Variants in ITGA4 observed in about 807,000 individuals in gnomAD.
The protein encoded by ITGA4 is integrin subunit alpha 4, also known as integrin alpha-4.
In ITGA4, 63 loss-of-function variants were observed where a neutral mutation model predicts 133.6. The ratio of observed to expected loss-of-function variants is 0.47; its 90% CI spans 0.38 to 0.58. ITGA4 has a LOEUF of 0.58. ITGA4 is among the 20% of genes least tolerant of loss of function. ITGA4 has a pLI of 0.00. For synonymous variants in ITGA4, 483 were observed against 438.0 expected (o/e 1.10, Z -1.28); for missense variants, 1,076 against 1,252.7 (o/e 0.86, Z 2.13).
In ITGA4 at chr2:181,463,737, A is replaced by G. The variant is rs530334082; in HGVS notation, c.319+5420A>G. On this transcript the variant is annotated intron_variant, in intron 2 of 27. Coordinates refer to ENST00000397033, the MANE Select transcript of ITGA4 (RefSeq NM_000885.6). ...AGTGATCAGTTCTATGATCAGTTCC[A>G]TGTATGGGTGTGGTAGACAGTAGAG... 7.7e-4 allele frequency among the ~76,000 whole-genome samples: 117 copies of G among 152,204 alleles called. 1 individual carries two copies. The highest frequency in any genetic ancestry group is 2.8e-3 in the African/African-American group (115 of 41,530).
At chr2:181,483,473 T>C (rs1201754447) in intron 9 of ITGA4, among the ~76,000 whole-genome samples, 1 of 152,220 alleles carries the variant, frequency 6.6e-6, no homozygotes, top group East Asian at 1.9e-4. Context: ...CAAAGTGGAC[T>C]CTGTTTCAAG....
chr2:181,479,521 G>A (rs1427184796), intron 5 of ITGA4: 2 of 151,938 alleles, frequency 1.3e-5, no homozygotes, highest in Non-Finnish European at 2.9e-5. Context: ...GTTTAGGATT[G>A]TTTAGGAGTA....
In ITGA4 at chr2:181,537,698, G is replaced by A; in HGVS notation, c.*2171G>A. On this transcript the variant is annotated 3_prime_UTR_variant, in exon 28 of 28. Transcript: ENST00000397033. Reference sequence around the variant, plus strand: ...TCTAGGTTAAATATTGATGTATTATGATGGTTGCAAAGTTTTTTTGTGTGT... The same window carrying A: ...TCTAGGTTAAATATTGATGTATTATAATGGTTGCAAAGTTTTTTTGTGTGT... 4.7e-6 allele frequency: 2 copies of A among 427,732 alleles called. No individual in the cohort carries two copies. The highest frequency in any genetic ancestry group is 9.3e-6 in the Non-Finnish European group (2 of 215,956). The allele number at this position is 427,732 out of a possible 1,614,324, so 26.5% of individuals were successfully genotyped here.
At chr2:181,496,292 C>T (rs1686157161) in intron 14 of ITGA4, among the ~76,000 whole-genome samples, 1 of 152,058 alleles carries the variant, frequency 6.6e-6, no homozygotes, top group Admixed American at 6.6e-5. Flanking sequence ...TGAGGAAAGC[C>T]AGGCATGGTA....
chr2:181,490,001 ACGTGAGAGGGT>A (rs1234301937), intron 10 of ITGA4, among the ~76,000 whole-genome samples: 8 of 152,148 alleles, frequency 5.3e-5, no homozygotes, highest in Admixed American at 5.2e-4. Context: ...AAGGGGGTGC[ACGTGAGAGGGT>A]CGTGATTGAT....
intron 22 of ITGA4, 160 bp downstream of exon 22, chr2:181,527,547 C>A (rs1686859894): frequency 1.8e-6 from 1 of 547,262 alleles, no homozygotes; most frequent in Non-Finnish European, 3.3e-6. Context: ...CTCTCAGACC[C>A]CTGCTGCTTT....
chr2:181,478,446 C>T (rs1183722476), intron 4 of ITGA4, among the ~76,000 whole-genome samples: 2 of 151,984 alleles, frequency 1.3e-5, no homozygotes, highest in Admixed American at 1.3e-4. Context: ...TAGATATACA[C>T]AGTAAAAAGA....
intron 17 of ITGA4, among the ~76,000 whole-genome samples, chr2:181,513,195 C>T (rs529358344): frequency 2.0e-5 from 3 of 152,060 alleles, no homozygotes; most frequent in Non-Finnish European, 2.9e-5. Context: ...CCACATTCAA[C>T]CTTGGTAGTC....
chr2:181,466,333 C>T (rs1685413422), intron 2 of ITGA4, among the ~76,000 whole-genome samples: 1 of 152,036 alleles, frequency 6.6e-6, no homozygotes, highest in Non-Finnish European at 1.5e-5. Context: ...TTTTTCAGGA[C>T]TACAATTATA....
chr2:181,482,351 T>C lies in ITGA4; in HGVS notation c.841-9T>C. 6.3e-7 allele frequency: 1 copy of C among 1,594,306 alleles called. No individual in the cohort carries two copies. Among genetic ancestry groups the C allele is most frequent in the Non-Finnish European group, 8.5e-7 (1 of 1,173,218 alleles). ...CTAAAAACTTTTCTAATTCTTTCCC[T>C]AATTACAGGCATATATATTCAGCAT... On this transcript the variant is annotated splice_polypyrimidine_tract_variant and intron_variant, in intron 7 of 27. Coordinates refer to ENST00000397033, the MANE Select transcript of ITGA4 (RefSeq NM_000885.6).
intron 10 of ITGA4, among the ~76,000 whole-genome samples, chr2:181,486,689 A>T (rs1685927424): frequency 6.6e-6 from 1 of 152,196 alleles, no homozygotes; most frequent in Non-Finnish European, 1.5e-5. Context: ...TTACTGTTAA[A>T]AATTTGCTTT....
In ITGA4 at chr2:181,493,365, T is replaced by C; in HGVS notation, c.1194T>C (p.Gly398=). ...CTCCACAAGAAGATGACTTGCAAGG[T>C]GCTATTTATATTTACAATGGCCGTG... ...IGAPQEDDLQ[G]AIYIYNGRAD... is the part of the protein sequence containing the mutation. The change falls in exon 11 of 28, where the codon GGT becomes GGC. Residue 398 remains glycine (G), a synonymous_variant. Transcript: ENST00000397033. The C allele has an allele frequency of 6.2e-7, 1 of 1,612,940 alleles. No homozygotes were observed. Among genetic ancestry groups the C allele is most frequent in the Non-Finnish European group, 8.5e-7 (1 of 1,179,110 alleles).
In ITGA4 at chr2:181,523,566, A is replaced by G. The variant is rs200441057; in HGVS notation, c.2169+34A>G. On this transcript the variant is annotated intron_variant, in intron 19 of 27. Coordinates refer to ENST00000397033, the MANE Select transcript of ITGA4 (RefSeq NM_000885.6). This position sits in a 1 kb window ranked among gnomAD's most constrained non-coding sequence, Gnocchi z 4.2. ...TTCATATTTATGGCTTTTGTTCACTATCATGAATATTTTTTTCTATTCTTC... is the reference window on the plus strand; with the variant it reads ...TTCATATTTATGGCTTTTGTTCACTGTCATGAATATTTTTTTCTATTCTTC... 3.2e-5 allele frequency: 37 copies of G among 1,141,506 alleles called. No individual in the cohort carries two copies. Among genetic ancestry groups the G allele is most frequent in the Non-Finnish European group, 4.2e-5 (32 of 759,904 alleles). The allele number at this position is 1,141,506 out of a possible 1,614,324, so 70.7% of individuals were successfully genotyped here. A position where few individuals can be genotyped will look rare whatever the true frequency, so the allele number is the denominator to read the frequency against.
At chr2:181,493,287 C>A in intron 10 of ITGA4, 38 bp from the exon 11 acceptor site, 1 of 1,401,032 alleles carries the variant, frequency 7.1e-7, no homozygotes, top group Non-Finnish European at 1.0e-6. Context: ...TTCTTTGTAT[C>A]AAGAATTTAT....
At position 181,480,122 on chromosome 2, in the gene ITGA4, T is replaced by TA; in HGVS notation, c.625-15_625-14insA. On this transcript the variant is annotated splice_polypyrimidine_tract_variant and intron_variant, in intron 5 of 27. Coordinates refer to ENST00000397033, the MANE Select transcript of ITGA4 (RefSeq NM_000885.6). ...GATTAAAGTTTAAATAATAATAGTT[T>TA]TTTTTTTCTTACAGGATTTAATTGT... The TA allele has an allele frequency of 6.5e-7, 1 of 1,540,524 alleles. No homozygotes were observed. Among genetic ancestry groups the TA allele is most frequent in the Non-Finnish European group, 8.7e-7 (1 of 1,150,196 alleles).
intron 4 of ITGA4, among the ~76,000 whole-genome samples, chr2:181,478,306 G>T (rs1049762025): frequency 1.3e-4 from 20 of 152,140 alleles, no homozygotes; most frequent in African/African-American, 4.1e-4. Context: ...GTTAATAATT[G>T]TGCACTGGAA....
intron 17 of ITGA4, among the ~76,000 whole-genome samples, chr2:181,521,801 G>A (rs1056937941): frequency 1.3e-5 from 2 of 152,150 alleles, no homozygotes; most frequent in Non-Finnish European, 2.9e-5. Context: ...GGTTCAGGCA[G>A]CAGCTAGTTC....
chr2:181,463,665 G>T (rs1176671257), intron 2 of ITGA4, among the ~76,000 whole-genome samples: 1 of 152,102 alleles, frequency 6.6e-6, no homozygotes, highest in Non-Finnish European at 1.5e-5. Flanking sequence ...GCAAAATGAT[G>T]AGTTTCGTTG....
chr2:181,468,557 C>T (rs1022615822), intron 2 of ITGA4, among the ~76,000 whole-genome samples: 4 of 152,120 alleles, frequency 2.6e-5, no homozygotes, highest in African/African-American at 9.7e-5. Flanking sequence ...TATCTAATCT[C>T]CCATAGTCCC....
Sources: allele counts gnomAD v4.1 joint callset (sites outside exome capture counted in the v4.1 genomes callset), GRCh38; gene constraint gnomAD v4.1.1; non-coding constraint Gnocchi (gnomAD v3.1); transcripts MANE v1.5; gene names NCBI Gene and HGNC (gene_info 2026-07-23, HGNC 2026-07-21).